TRIM65: variants seen among roughly 807,000 people sequenced by gnomAD.
TRIM65 encodes the protein E3 ubiquitin-protein ligase TRIM65.
In TRIM65, 46 loss-of-function variants were observed where a neutral mutation model predicts 36.1. The ratio of observed to expected loss-of-function variants is 1.27; its 90% CI spans 1.01 to 1.63. The LOEUF (loss-of-function observed/expected upper bound fraction) is 1.63. Among genes scored for constraint, TRIM65 ranks in the 40% most tolerant of loss-of-function variants. TRIM65 has a pLI of 0.00. For synonymous variants in TRIM65, 346 were observed against 313.6 expected, an observed-to-expected ratio of 1.10 and a Z score of -1.09; for missense variants, 708 against 696.6, an observed-to-expected ratio of 1.02 and a Z score of -0.18.
intron 2 of TRIM65, 121 bp from the exon 3 acceptor site, chr17:75,892,621 A>C: frequency 8.2e-7 from 1 of 1,216,828 alleles, no homozygotes; most frequent in Non-Finnish European, 1.2e-6. Context: ...GGTCCCGGGA[A>C]CCTCCCCAGG....
downstream of TRIM65, among the ~76,000 whole-genome samples, chr17:75,879,714 G>A (rs1337118679): frequency 6.6e-6 from 1 of 150,714 alleles, no homozygotes; most frequent in Admixed American, 6.6e-5. Flanking sequence ...AAGCTGGGGA[G>A]AACAGACATA....
intron 4 of TRIM65, among the ~76,000 whole-genome samples, chr17:75,881,212 G>A (rs561164956): frequency 1.9e-4 from 27 of 145,076 alleles, no homozygotes; most frequent in South Asian, 4.3e-4. Flanking sequence ...CTCCAGCCTC[G>A]GTGACACAGC....
downstream of TRIM65, among the ~76,000 whole-genome samples, chr17:75,888,438 T>C (rs373972718): frequency 2.0e-5 from 3 of 151,496 alleles, no homozygotes; most frequent in Admixed American, 6.6e-5. Context: ...CACCACCCAA[T>C]AGGAAGATGA....
Position 75,896,828 on chromosome 17 carries a change from C to A in TRIM65, c.110G>T (p.Arg37Leu). The part of the protein sequence containing the change: ...CGHNFCGACI[R>L]DWWDRCGKAC... ...CTTTCCGCAGCGGTCCCACCAGTCC[C>A]GGATGCAGGCCCCGCAGAAGTTGTG... The change falls in exon 1 of 6, where the codon CGG (arginine) becomes CTG (leucine). Residue 37 changes from arginine to leucine, a missense_variant. Physicochemically the swap from Arg to Leu is moderately radical, Grantham distance 102. Transcript: ENST00000269383. The A allele has an allele frequency of 1.3e-6, 2 of 1,522,132 alleles. No individual in the cohort carries two copies. Among genetic ancestry groups the A allele is most frequent in the East Asian group, 5.2e-5 (2 of 38,182 alleles). The allele number at this position is 1,522,132 out of a possible 1,614,324, so 94.3% of individuals were successfully genotyped here.
In TRIM65 at chr17:75,892,270, C is replaced by T. The variant is rs749655275; in HGVS notation, c.741G>A (p.Leu247=). ...CCTATGCCCTGAGCCCTCGCACCTG[C>T]AGGAAGGTCTGCTCATCCACCTGCT... The part of the protein sequence containing the change: ...LLEQVDEQTF[L]QESQLLQPPG... The change falls in exon 3 of 6, where the codon CTG becomes CTA. Residue 247 remains leucine (L), a synonymous_variant. Coordinates refer to ENST00000269383, the MANE Select transcript of TRIM65 (RefSeq NM_173547.4). 6.2e-7 allele frequency: 1 copy of T among 1,610,904 alleles called. No individual in the cohort carries two copies. Among genetic ancestry groups the T allele is most frequent in the South Asian group, 1.1e-5 (1 of 90,638 alleles).
chr17:75,887,347 G>A (rs1049229394), downstream of TRIM65, among the ~76,000 whole-genome samples: 1 of 151,690 alleles, frequency 6.6e-6, no homozygotes, highest in African/African-American at 2.4e-5. Context: ...AGCTGGGTGT[G>A]GTGGTGGGCG....
Position 75,896,563 on chromosome 17 carries a change from G to C in TRIM65, c.375C>G (p.His125Gln). 7.3e-7 allele frequency: 1 copy of C among 1,361,290 alleles called. No individual in the cohort carries two copies. The highest frequency in any genetic ancestry group is 3.1e-5 in the East Asian group (1 of 32,366). 84.3% of individuals were successfully genotyped at this position (1,361,290 alleles called of 1,614,324 possible). Residue 125 changes from histidine to glutamine, a missense_variant, in exon 1 of 6, where the codon CAC (histidine) becomes CAG (glutamine). Physicochemically the swap from His to Gln is conservative, Grantham distance 24. Coordinates refer to ENST00000269383, the MANE Select transcript of TRIM65 (RefSeq NM_173547.4). ...SVCTVRECRL[H>Q]ERALLDAERL... ...GCTCGGCATCCAGCAGCGCCCGCTCGTGGAGGCGACACTCGCGCACGGTGC... is the reference window on the plus strand; with the variant it reads ...GCTCGGCATCCAGCAGCGCCCGCTCCTGGAGGCGACACTCGCGCACGGTGC...
intron 4 of TRIM65, among the ~76,000 whole-genome samples, chr17:75,883,859 A>C (rs1178147578): frequency 6.6e-6 from 1 of 152,016 alleles, no homozygotes; most frequent in East Asian, 1.9e-4. Flanking sequence ...GGTTTGTATG[A>C]ATGTCAAATG....
chr17:75,887,965 C>T (rs2065221546), downstream of TRIM65, among the ~76,000 whole-genome samples: 1 of 151,996 alleles, frequency 6.6e-6, no homozygotes, highest in Admixed American at 6.6e-5. Flanking sequence ...ATCATCCTGG[C>T]TAACACGGTG....
chr17:75,879,548 T>A (rs1253648168), downstream of TRIM65: 2 of 150,774 alleles, frequency 1.3e-5, no homozygotes, highest in East Asian at 1.9e-4. Context: ...GCACTTAAAG[T>A]GGTGCGTTTT....
chr17:75,883,836 T>C (rs2065186342), intron 4 of TRIM65, among the ~76,000 whole-genome samples: 2 of 152,166 alleles, frequency 1.3e-5, no homozygotes, highest in African/African-American at 4.8e-5. Flanking sequence ...TTTTTATGTA[T>C]TTTTAAACAT....
chr17:75,885,894 A>C (rs553577814), downstream of TRIM65, among the ~76,000 whole-genome samples: 9 of 152,256 alleles, frequency 5.9e-5, no homozygotes, highest in South Asian at 1.0e-3. Context: ...TCCTGCCTGG[A>C]AAGGCACATC....
rs1293405658 is a variant in TRIM65, at chr17:75,890,079, T to C, written c.*700A>G. On this transcript the variant is annotated 3_prime_UTR_variant, in exon 6 of 6. Transcript: ENST00000269383. ...AAATGCTTATGTTAAGTCAGGAAAC[T>C]TCAGAAAACACTGTAATCTGAGCTA... 7 of 152,214 alleles carry C rather than the reference T, an allele frequency of 4.6e-5. No homozygotes were observed. Among genetic ancestry groups the C allele is most frequent in the African/African-American group, 1.7e-4 (7 of 41,538 alleles). 9.4% of individuals were successfully genotyped at this position (152,214 alleles called of 1,614,324 possible).
chr17:75,887,875 G>A (rs1176414955), downstream of TRIM65, among the ~76,000 whole-genome samples: 2 of 152,096 alleles, frequency 1.3e-5, no homozygotes, highest in African/African-American at 2.4e-5. Context: ...CAAAAATTAC[G>A]CCGGGCGTGG....
At chr17:75,892,906 G>A (rs2065294034) in intron 1 of TRIM65, 56 bp from the exon 2 acceptor site, 2 of 1,512,458 alleles carry the variant, frequency 1.3e-6, no homozygotes, top group Non-Finnish European at 1.8e-6. Flanking sequence ...TGGCTGTGAT[G>A]TCCTTTCTCA....
chr17:75,896,168 G>A (rs555496417), intron 1 of TRIM65, among the ~76,000 whole-genome samples: 1 of 152,320 alleles, frequency 6.6e-6, no homozygotes, highest in South Asian at 2.1e-4. Context: ...CCATTCTCCT[G>A]CCTCAGCCTC....
rs1223956608 is a variant in TRIM65 at position 75,881,006 on chromosome 17, G to A, written c.350-377C>T. 4.0e-5 allele frequency among the ~76,000 whole-genome samples: 6 copies of A among 150,484 alleles called. No individual in the cohort carries two copies. In the East Asian group the frequency reaches 1.2e-3, roughly 29 times the overall value. ...CACGCCTGGAATCCCAGGACTTTGG[G>A]AGGCTGAGGCGGGCGGATCACTTGA... On this transcript the variant is annotated intron_variant, in intron 4 of 4. Transcript: ENST00000591668.
chr17:75,891,225 G>C lies in TRIM65; in HGVS notation c.1108C>G (p.Leu370Val), dbSNP rs762008402. 3.1e-6 allele frequency: 5 copies of C among 1,612,530 alleles called. No homozygotes were observed. The African/African-American group carries it at 6.7e-5, about 22-fold the overall frequency. ...CTCTGGGCACATTGCACCTGCCAGA[G>C]CTCAAAGCTGCCGGGCCCGCCTGGG... ...RGPGGPGSFE[L>V]WQVQCAQSFQ... Residue 370 changes from leucine (L) to valine (V), a missense_variant, in exon 6 of 6, where the codon CTC becomes GTC. Physicochemically the swap from Leu to Val is conservative, Grantham distance 32 (BLOSUM62 1). Coordinates refer to ENST00000269383, the MANE Select transcript of TRIM65 (RefSeq NM_173547.4).
intron 4 of TRIM65, among the ~76,000 whole-genome samples, chr17:75,881,039 A>C (rs1421086612): frequency 6.7e-6 from 1 of 150,078 alleles, no homozygotes; most frequent in Non-Finnish European, 1.5e-5. Context: ...TGAGGTCACG[A>C]GTTCCAGACC....
Sources: allele counts gnomAD v4.1 joint callset (sites outside exome capture counted in the v4.1 genomes callset), GRCh38; gene constraint gnomAD v4.1.1; transcripts MANE v1.5; gene names NCBI Gene and HGNC (gene_info 2026-07-23, HGNC 2026-07-21).